NUMB: variants seen among roughly 807,000 people sequenced by gnomAD.
NUMB encodes the protein NUMB endocytic adaptor protein.
In NUMB, 29 loss-of-function variants were observed where a neutral mutation model predicts 59.7. The ratio of observed to expected loss-of-function variants is 0.49; its 90% CI spans 0.36 to 0.66. NUMB has a LOEUF of 0.66. NUMB is among the 30% of genes least tolerant of loss of function. The pLI, the probability that NUMB is intolerant of heterozygous loss-of-function variation, is 0.00. For synonymous variants in NUMB, 288 were observed against 288.2 expected (o/e 1.00, Z 0.01); for missense variants, 723 against 822.0 (o/e 0.88, Z 1.47).
intron 1 of NUMB, among the ~76,000 whole-genome samples, chr14:73,410,823 T>G (rs1364787404): frequency 6.6e-6 from 1 of 152,238 alleles, no homozygotes; most frequent in Non-Finnish European, 1.5e-5. Context: ...ATACTCACTA[T>G]TCAACTAATA....
At chr14:73,380,566 C>T (rs1895180052) in intron 2 of NUMB, among the ~76,000 whole-genome samples, 1 of 151,978 alleles carries the variant, frequency 6.6e-6, no homozygotes, top group Non-Finnish European at 1.5e-5. Context: ...CTCTGAATCA[C>T]CAATTTTTTT....
intron 1 of NUMB, among the ~76,000 whole-genome samples, chr14:73,454,913 T>C (rs971046624): frequency 4.0e-5 from 6 of 151,828 alleles, no homozygotes; most frequent in Non-Finnish European, 8.8e-5. Context: ...TCTATATAAA[T>C]GTACCATGAC....
At chr14:73,415,021 A>G (rs1264478125) in intron 1 of NUMB, among the ~76,000 whole-genome samples, 1 of 152,102 alleles carries the variant, frequency 6.6e-6, no homozygotes, top group East Asian at 1.9e-4. Context: ...CCAGCTGATA[A>G]TGATGTTTTA....
intron 1 of NUMB, among the ~76,000 whole-genome samples, chr14:73,447,945 C>T (rs1224649361): frequency 6.6e-6 from 1 of 152,068 alleles, no homozygotes; most frequent in East Asian, 1.9e-4. Flanking sequence ...AACAGGCATG[C>T]ACCACCACAC....
intron 4 of NUMB, among the ~76,000 whole-genome samples, chr14:73,343,281 A>C (rs1892735280): frequency 6.6e-6 from 1 of 152,224 alleles, no homozygotes; most frequent in African/African-American, 2.4e-5. Context: ...GAGGAGAGAC[A>C]GATTGGAAGC....
chr14:73,384,855 G>A (rs1464309626), intron 2 of NUMB, among the ~76,000 whole-genome samples: 1 of 151,516 alleles, frequency 6.6e-6, no homozygotes, highest in Non-Finnish European at 1.5e-5. Context: ...TGAGATTACA[G>A]GTGTGAGCCA....
intron 1 of NUMB, among the ~76,000 whole-genome samples, chr14:73,420,285 C>A (rs1897301764): frequency 6.6e-6 from 1 of 152,174 alleles, no homozygotes; most frequent in Non-Finnish European, 1.5e-5. Flanking sequence ...CAAAGGAAAG[C>A]CAGGTCAACA....
intron 2 of NUMB, among the ~76,000 whole-genome samples, chr14:73,382,186 G>A (rs1018548898): frequency 6.6e-6 from 1 of 152,136 alleles, no homozygotes; most frequent in Non-Finnish European, 1.5e-5. Context: ...TGCTCTTGTT[G>A]CCCAGGCTGG....
intron 1 of NUMB, among the ~76,000 whole-genome samples, chr14:73,443,266 C>T (rs568895123): frequency 1.3e-5 from 2 of 152,254 alleles, no homozygotes; most frequent in East Asian, 3.9e-4. Flanking sequence ...GAGAACTATA[C>T]TAGCCTTTCT....
chr14:73,320,207 C>T (rs977398983), intron 5 of NUMB, among the ~76,000 whole-genome samples: 1 of 152,076 alleles, frequency 6.6e-6, no homozygotes, highest in Non-Finnish European at 1.5e-5. Flanking sequence ...TGACCCAAAA[C>T]TTCAATTTCA....
intron 5 of NUMB, 64 bp downstream of exon 5, chr14:73,323,066 G>T: frequency 1.5e-6 from 2 of 1,301,242 alleles, no homozygotes; most frequent in Non-Finnish European, 1.1e-6. Context: ...AATGTACTGA[G>T]CAAAATCTTT....
chr14:73,287,010 T>G (rs1486180316), intron 9 of NUMB, 100 bp downstream of exon 9: 3 of 1,123,244 alleles, frequency 2.7e-6, no homozygotes, highest in Non-Finnish European at 4.1e-6. Context: ...TGCTAAGGGT[T>G]CTCTTTGATT....
At chr14:73,378,447 C>T (rs1270858309) in intron 2 of NUMB, among the ~76,000 whole-genome samples, 1 of 152,220 alleles carries the variant, frequency 6.6e-6, no homozygotes, top group Non-Finnish European at 1.5e-5. Context: ...AAAGCCTGCA[C>T]ACAGTTGTTC....
intron 2 of NUMB, among the ~76,000 whole-genome samples, chr14:73,395,832 G>A (rs2140106919): frequency 6.6e-6 from 1 of 152,094 alleles, no homozygotes; most frequent in East Asian, 1.9e-4. Flanking sequence ...TTGAAAAAAT[G>A]GAAATAACCT....
intron 4 of NUMB, among the ~76,000 whole-genome samples, chr14:73,336,843 G>T (rs1192035381): frequency 6.6e-6 from 1 of 152,150 alleles, no homozygotes; most frequent in Non-Finnish European, 1.5e-5. Flanking sequence ...ATCATGATGA[G>T]TACTAAGCTG....
chr14:73,404,762 ATTTTC>A (rs2140122977), intron 2 of NUMB, among the ~76,000 whole-genome samples: 1 of 150,626 alleles, frequency 6.6e-6, no homozygotes, highest in East Asian at 1.9e-4. Flanking sequence ...ATCTAAAATG[ATTTTC>A]TTTTTTTTTT....
chr14:73,406,263 G>A (rs1429755042), intron 2 of NUMB, among the ~76,000 whole-genome samples: 1 of 108,740 alleles, frequency 9.2e-6, no homozygotes, highest in African/African-American at 3.8e-5. Context: ...CCCCATGACA[G>A]GCCCCGGTGT....
intron 5 of NUMB, among the ~76,000 whole-genome samples, chr14:73,320,417 G>A (rs1812536780): frequency 6.6e-6 from 1 of 151,984 alleles, no homozygotes; most frequent in African/African-American, 2.4e-5. Context: ...TATTTTTATA[G>A]AGACAGGGTC....
intron 1 of NUMB, among the ~76,000 whole-genome samples, chr14:73,444,398 C>CAAAA (rs568526693): frequency 2.8e-5 from 2 of 70,968 alleles, no homozygotes; most frequent in African/African-American, 9.6e-5. Context: ...GACTCCATCT[C>CAAAA]AAAAAAAAAA....
Sources: gnomAD v4.1 joint callset for allele counts (sites outside exome capture counted in the v4.1 genomes callset) on GRCh38, gnomAD v4.1.1 for gene constraint, MANE v1.5 for transcripts, NCBI Gene and HGNC (gene_info 2026-07-23, HGNC 2026-07-21) for gene names.